COG3: variants seen among roughly 807,000 people sequenced by gnomAD.
COG3 encodes the protein component of oligomeric golgi complex 3.
Under a neutral mutation model 114.1 loss-of-function variants are expected in COG3, and 32 were observed. The ratio of observed to expected loss-of-function variants is 0.28; its 90% CI spans 0.21 to 0.38. COG3 has a LOEUF of 0.38. Among genes scored for constraint, COG3 ranks in the 10% least tolerant of loss-of-function variants. The pLI, the probability that COG3 is intolerant of heterozygous loss-of-function variation, is 1.00. For synonymous variants in COG3, 352 were observed against 365.7 expected (o/e 0.96, Z 0.43); for missense variants, 813 against 973.2 (o/e 0.84, Z 2.19).
chr13:45,523,041 G>A (rs1006368834), intron 19 of COG3, among the ~76,000 whole-genome samples: 4 of 152,084 alleles, frequency 2.6e-5, no homozygotes, highest in Admixed American at 6.5e-5. Flanking sequence ...ATGTTATTTT[G>A]TAGTACAGTT....
rs1344473569 is a variant in COG3 at position 45,481,314 on chromosome 13, G to T, written c.624+10G>T. ...GGAAACTATTAACACAGTAAGCATT[G>T]TTCTTTACTTCTTATAAAGTTAGTG... On this transcript the variant is annotated intron_variant, in intron 5 of 22. Transcript: ENST00000349995. 1 of 1,400,560 alleles carries T rather than the reference G, an allele frequency of 7.1e-7. No individual in the cohort carries two copies. The allele number at this position is 1,400,560 out of a possible 1,614,324, so 86.8% of individuals were successfully genotyped here. A position where few individuals can be genotyped will look rare whatever the true frequency, so the allele number is the denominator to read the frequency against.
At position 45,464,941 on chromosome 13, in the gene COG3, A is replaced by C. The variant is rs1885031107; in HGVS notation, c.-96A>C. 2 of 1,448,434 alleles carry C rather than the reference A, an allele frequency of 1.4e-6. No homozygotes were observed. The highest frequency in any genetic ancestry group is 9.0e-7 in the Non-Finnish European group (1 of 1,108,536). The allele number at this position is 1,448,434 out of a possible 1,614,324, so 89.7% of individuals were successfully genotyped here. On this transcript the variant is annotated 5_prime_UTR_variant, in exon 1 of 23. Coordinates refer to ENST00000349995, the MANE Select transcript of COG3 (RefSeq NM_031431.4). Reference sequence around the variant, plus strand: ...TTCCGTCCCGCCCCGCCGCCGGTGCAGTGTTGGAAGCTCCGGTTCTCCCGG... The same window carrying C: ...TTCCGTCCCGCCCCGCCGCCGGTGCCGTGTTGGAAGCTCCGGTTCTCCCGG...
In COG3 at chr13:45,486,501, T is replaced by C; in HGVS notation, c.850T>C (p.Ser284Pro). ...LTSQLLKRDP[S>P]SVPNADNAFT... is the part of the protein sequence containing the mutation. ...CTCCCCCATGTTTCTTTAGGATCCT[T>C]CATCTGTACCTAATGCAGACAATGC... The change falls in exon 8 of 23, where the codon TCA (serine) becomes CCA (proline). Residue 284 changes from serine to proline, a missense_variant. Around this residue, in one of 2 missense-constraint regions of COG3, gnomAD observed 424 missense variants for 430.6 expected, o/e 0.98. Transcript: ENST00000349995. 6.2e-7 allele frequency: 1 copy of C among 1,600,484 alleles called. No individual in the cohort carries two copies. Among genetic ancestry groups the C allele is most frequent in the Non-Finnish European group, 8.6e-7 (1 of 1,167,710 alleles).
chr13:45,472,825 C>T (rs1297342440), intron 1 of COG3, among the ~76,000 whole-genome samples: 1 of 152,170 alleles, frequency 6.6e-6, no homozygotes, highest in Non-Finnish European at 1.5e-5. Flanking sequence ...GTCTCTTGCT[C>T]ATCTGAGTCT....
chr13:45,510,156 C>T (rs1870704186), intron 15 of COG3, among the ~76,000 whole-genome samples: 1 of 151,998 alleles, frequency 6.6e-6, no homozygotes, highest in Non-Finnish European at 1.5e-5. Flanking sequence ...CTAGATGCCA[C>T]TATTTCTTAA....
At chr13:45,475,032 G>A (rs1029364472) in intron 1 of COG3, among the ~76,000 whole-genome samples, 1 of 152,174 alleles carries the variant, frequency 6.6e-6, no homozygotes, top group African/African-American at 2.4e-5. Context: ...TATTGTCAAA[G>A]TGAGACCTTG....
chr13:45,477,259 G>C (rs2137790668), intron 2 of COG3, among the ~76,000 whole-genome samples: 1 of 152,228 alleles, frequency 6.6e-6, no homozygotes, highest in African/African-American at 2.4e-5. Context: ...TTGAGATTCA[G>C]TGTTCTCAGG....
intron 22 of COG3, among the ~76,000 whole-genome samples, chr13:45,534,335 G>A (rs1873409300): frequency 6.6e-6 from 1 of 152,186 alleles, no homozygotes; most frequent in Non-Finnish European, 1.5e-5. Context: ...TAGGTTTGGT[G>A]ATGAAGTGTG....
At chr13:45,476,439 T>C in intron 2 of COG3, 92 bp downstream of exon 2, 1 of 1,266,972 alleles carries the variant, frequency 7.9e-7, no homozygotes, top group Non-Finnish European at 1.1e-6. Context: ...TCTGAACATT[T>C]GTCACCATAA....
At chr13:45,494,864 CTT>C (rs56330728) in intron 12 of COG3, among the ~76,000 whole-genome samples, 9 of 131,786 alleles carry the variant, frequency 6.8e-5, no homozygotes, top group East Asian at 2.2e-4. Flanking sequence ...TTTCTCTTTT[CTT>C]TTTTTTTTTT....
At chr13:45,500,059 T>TGTGTGA (rs1869310327) in intron 13 of COG3, among the ~76,000 whole-genome samples, 2 of 53,192 alleles carry the variant, frequency 3.8e-5, no homozygotes, top group African/African-American at 9.0e-5. Flanking sequence ...TGTGTGTGTG[T>TGTGTGA]GTGTGTGAGT....
chr13:45,518,720 G>A (rs534493923), intron 17 of COG3, 42 bp from the exon 18 acceptor site: 1 of 1,496,546 alleles, frequency 6.7e-7, no homozygotes, highest in African/African-American at 1.4e-5. Flanking sequence ...CTTTGCTGTT[G>A]AAACTTTACA....
At chr13:45,531,504 G>GT (rs35581278) in intron 22 of COG3, among the ~76,000 whole-genome samples, 101,865 of 149,370 alleles carry the variant, frequency 0.68, 35,651 homozygotes, top group Middle Eastern at 0.8. Context: ...TAAATCTTGT[G>GT]TTTTTGTTTT....
intron 19 of COG3, among the ~76,000 whole-genome samples, chr13:45,520,313 AT>A (rs1331907989): frequency 8.4e-5 from 4 of 47,652 alleles, no homozygotes; most frequent in African/African-American, 2.8e-4. Flanking sequence ...AAAAATAAAA[AT>A]AAAAAAAGAG....
Position 45,508,403 on chromosome 13 carries a change from T to TATATACACAC in COG3, c.1595-1288_1595-1287insTATACACACA, listed in dbSNP as rs1352468701. Among the ~76,000 whole-genome samples, 394 of 132,982 alleles carry TATATACACAC rather than the reference T, an allele frequency of 3.0e-3. 1 individual carries two copies. The highest frequency in any genetic ancestry group is 7.2e-3 in the Middle Eastern group (2 of 278). 87.2% of individuals were successfully genotyped at this position (132,982 alleles called of 152,430 possible). On this transcript the variant is annotated intron_variant, in intron 14 of 22. Transcript: ENST00000349995. ...ATATATTTTTATATATATATATATA[T>TATATACACAC]ACACACACACACACACACACACATA...
At chr13:45,469,468 G>A (rs1885341338) in intron 1 of COG3, among the ~76,000 whole-genome samples, 1 of 152,190 alleles carries the variant, frequency 6.6e-6, no homozygotes, top group Non-Finnish European at 1.5e-5. Context: ...TAGAAGGCAG[G>A]AAGCATGTAG....
intron 14 of COG3, 117 bp from the exon 15 acceptor site, chr13:45,509,575 G>C (rs1272038593): frequency 8.0e-7 from 1 of 1,249,808 alleles, no homozygotes. Context: ...GAAAAAATTG[G>C]TGCCCTCTAG....
intron 13 of COG3, among the ~76,000 whole-genome samples, chr13:45,497,041 A>G (rs542027929): frequency 3.3e-5 from 5 of 152,318 alleles, no homozygotes; most frequent in African/African-American, 1.2e-4. Flanking sequence ...CACGTTCTCA[A>G]TTTTAAAATT....
Position 45,495,256 on chromosome 13 carries a change from G to A in COG3, c.1328-896G>A, listed in dbSNP as rs149118900. Among the ~76,000 whole-genome samples the A allele has an allele frequency of 9.0e-3, 1,366 of 151,702 alleles. 18 individuals are homozygous for A. The highest frequency in any genetic ancestry group is 0.031 in the African/African-American group (1,285 of 41,368). The stretch of plus-strand genomic sequence containing the variant: ...TCCTATCTGCGCCTCCCAAAGTGCT[G>A]GGATTACAGGCATGAGCCACCATGC... On this transcript the variant is annotated intron_variant, in intron 12 of 22. Coordinates refer to ENST00000349995, the MANE Select transcript of COG3 (RefSeq NM_031431.4).
Sources: allele counts gnomAD v4.1 joint callset (sites outside exome capture counted in the v4.1 genomes callset), GRCh38; gene constraint gnomAD v4.1.1; regional missense constraint gnomAD v4.1.1; transcripts MANE v1.5; gene names NCBI Gene and HGNC (gene_info 2026-07-23, HGNC 2026-07-21).